Variants in FAM227B observed in about 807,000 individuals in gnomAD.
FAM227B encodes family with sequence similarity 227 member B.
Under a neutral mutation model 73.8 loss-of-function variants are expected in FAM227B, and 88 were observed. The observed-to-expected ratio is 1.19, with a 90% CI of 1.00 to 1.42. The LOEUF is 1.42. FAM227B is among the 40% of genes most tolerant of loss of function. The pLI, the probability that FAM227B is intolerant of heterozygous loss-of-function variation, is 0.00. For synonymous variants in FAM227B, 210 were observed against 190.5 expected (o/e 1.10, Z -0.84); for missense variants, 632 against 590.9 (o/e 1.07, Z -0.72).
intron 2 of FAM227B, 134 bp downstream of exon 2, chr15:49,614,987 G>C (rs867540301): frequency 1.3e-6 from 1 of 772,366 alleles, no homozygotes. Flanking sequence ...TCTGTGCAGC[G>C]AGCATTAAGA....
intron 11 of FAM227B, among the ~76,000 whole-genome samples, chr15:49,426,542 C>G (rs1484076043): frequency 6.6e-6 from 1 of 151,748 alleles, no homozygotes; most frequent in Non-Finnish European, 1.5e-5. Flanking sequence ...AATACATTTG[C>G]ATATGTAAAT....
chr15:49,456,639 T>A (rs2053321052), intron 11 of FAM227B, among the ~76,000 whole-genome samples: 1 of 152,084 alleles, frequency 6.6e-6, no homozygotes, highest in African/African-American at 2.4e-5. Flanking sequence ...ACATAGTAAC[T>A]ACAAAATAAG....
At chr15:49,577,594 G>C (rs746086355) in intron 6 of FAM227B, 35 bp downstream of exon 6, 1 of 1,333,160 alleles carries the variant, frequency 7.5e-7, no homozygotes, top group East Asian at 2.3e-5. Context: ...TAATACACTT[G>C]ATATACAATC....
chr15:49,456,207 AT>A (rs2053271053), intron 11 of FAM227B, among the ~76,000 whole-genome samples: 1 of 151,968 alleles, frequency 6.6e-6, no homozygotes, highest in Non-Finnish European at 1.5e-5. Flanking sequence ...TTAGAATTTC[AT>A]TTTTTACCCT....
intron 9 of FAM227B, among the ~76,000 whole-genome samples, chr15:49,564,443 T>G (rs564287557): frequency 6.6e-6 from 1 of 152,182 alleles, no homozygotes; most frequent in East Asian, 1.9e-4. Flanking sequence ...TCAAATAACT[T>G]AAAAAACAGA....
At chr15:49,423,495 A>C (rs1163864264) in intron 11 of FAM227B, 1 of 152,266 alleles carries the variant, frequency 6.6e-6, no homozygotes, top group East Asian at 1.9e-4. Context: ...CTAAAAGTTT[A>C]TCTCTTTTTC....
intron 11 of FAM227B, among the ~76,000 whole-genome samples, chr15:49,415,282 A>G (rs1417999025): frequency 2.0e-5 from 3 of 152,154 alleles, no homozygotes; most frequent in Non-Finnish European, 4.4e-5. Flanking sequence ...TAATAACCTC[A>G]ATTGCACAAG....
At chr15:49,508,839 A>C (rs903717204) in intron 10 of FAM227B, among the ~76,000 whole-genome samples, 9 of 152,174 alleles carry the variant, frequency 5.9e-5, no homozygotes, top group Non-Finnish European at 1.3e-4. Context: ...CTATGTTTTA[A>C]AATATTGTGC....
chr15:49,365,712 G>C (rs1246890306), intron 13 of FAM227B: 5 of 901,274 alleles, frequency 5.5e-6, no homozygotes, highest in Non-Finnish European at 7.5e-6. Context: ...AATTCAGACA[G>C]AAAGCAATCT....
chr15:49,601,647 A>G (rs1191530557), intron 3 of FAM227B, among the ~76,000 whole-genome samples: 2 of 152,178 alleles, frequency 1.3e-5, no homozygotes, highest in Non-Finnish European at 2.9e-5. Flanking sequence ...AAATAATCCA[A>G]TTATACTCTT....
At chr15:49,332,951 C>T (rs571184089) in intron 14 of FAM227B, among the ~76,000 whole-genome samples, 23 of 152,060 alleles carry the variant, frequency 1.5e-4, no homozygotes, top group Admixed American at 4.6e-4. Flanking sequence ...AGCTGAGTTT[C>T]CTCCTTGCTG....
intron 11 of FAM227B, among the ~76,000 whole-genome samples, chr15:49,397,191 G>A (rs1421455420): frequency 2.0e-5 from 3 of 152,302 alleles, no homozygotes; most frequent in South Asian, 2.1e-4. Flanking sequence ...TGAGAACAAC[G>A]TGAAGAATGC....
chr15:49,521,950 A>G (rs1184468048), intron 10 of FAM227B, among the ~76,000 whole-genome samples: 1 of 152,094 alleles, frequency 6.6e-6, no homozygotes, highest in Non-Finnish European at 1.5e-5. Context: ...CATTATCAAG[A>G]TACTGGAGGG....
intron 11 of FAM227B, among the ~76,000 whole-genome samples, chr15:49,458,017 T>C: frequency 6.6e-6 from 1 of 151,960 alleles, no homozygotes; most frequent in Non-Finnish European, 1.5e-5. Flanking sequence ...AGCACAATAT[T>C]CACTTTATAG....
rs1042772937 is a variant in FAM227B at position 49,326,982 on chromosome 15, C to T, written c.*1586G>A. On this transcript the variant is annotated 3_prime_UTR_variant, in exon 16 of 16. Coordinates refer to ENST00000299338, the MANE Select transcript of FAM227B (RefSeq NM_152647.3). ...AAATTGTGCTAAATTAATCATAGAG[C>T]CTTTAATCCACTAGTAATTTGGAGT... The T allele has an allele frequency of 6.6e-6, 1 of 151,808 alleles. No individual in the cohort carries two copies. The highest frequency in any genetic ancestry group is 1.5e-5 in the Non-Finnish European group (1 of 67,942). The allele number at this position is 151,808 out of a possible 1,614,324, so 9.4% of individuals were successfully genotyped here. A position where few individuals can be genotyped will look rare whatever the true frequency, so the allele number is the denominator to read the frequency against.
At chr15:49,596,448 C>T (rs949333083) in intron 3 of FAM227B, among the ~76,000 whole-genome samples, 1 of 151,274 alleles carries the variant, frequency 6.6e-6, no homozygotes, top group African/African-American at 2.4e-5. Flanking sequence ...AAAAGAACTG[C>T]TAAAAGGAGT....
chr15:49,384,805 CCTTAT>C (rs1323507247), intron 11 of FAM227B, among the ~76,000 whole-genome samples: 4 of 151,836 alleles, frequency 2.6e-5, no homozygotes, highest in Non-Finnish European at 4.4e-5. Context: ...AAATATTTCT[CCTTAT>C]CTTATTTTCT....
chr15:49,550,614 C>T (rs1456999974), intron 9 of FAM227B, among the ~76,000 whole-genome samples: 3 of 151,800 alleles, frequency 2.0e-5, no homozygotes, highest in East Asian at 3.9e-4. Context: ...GGGTCACGGC[C>T]GGGTAGAGGC....
intron 6 of FAM227B, chr15:49,577,127 T>C: frequency 3.3e-6 from 1 of 299,624 alleles, no homozygotes; most frequent in South Asian, 4.1e-5. Context: ...TGAAACCCTG[T>C]TTCTATTAAA....
Sources: allele counts gnomAD v4.1 joint callset (sites outside exome capture counted in the v4.1 genomes callset), GRCh38; gene constraint gnomAD v4.1.1; transcripts MANE v1.5; gene names NCBI Gene and HGNC (gene_info 2026-07-23, HGNC 2026-07-21).